The following DHRSX variants were observed in gnomAD, a reference collection of about 807,000 sequenced individuals.
DHRSX encodes dehydrogenase/reductase X-linked, also known as polyprenol dehydrogenase.
In DHRSX, 31 loss-of-function variants were observed where a neutral mutation model predicts 34.0. The observed-to-expected ratio is 0.91, with a 90% CI of 0.69 to 1.23. The LOEUF (loss-of-function observed/expected upper bound fraction) is 1.23. Among genes scored for constraint, DHRSX ranks in the 50% most tolerant of loss-of-function variants. DHRSX has a pLI of 0.00. For synonymous variants in DHRSX, 201 were observed against 183.8 expected, an observed-to-expected ratio of 1.09 and a Z score of -0.76; for missense variants, 414 against 428.1, an observed-to-expected ratio of 0.97 and a Z score of 0.29.
chrX:2,249,640 C>T (rs1238238522), intron 5 of DHRSX, among the ~76,000 whole-genome samples: 1 of 147,760 alleles, frequency 6.8e-6, no homozygotes, highest in African/African-American at 2.5e-5. Context: ...TCTCCTGCCT[C>T]AGCCTCCCAA....
intron 1 of DHRSX, among the ~76,000 whole-genome samples, chrX:2,436,021 C>T (rs1219218143): frequency 9.9e-5 from 15 of 151,952 alleles, no homozygotes; most frequent in African/African-American, 3.4e-4. Flanking sequence ...GGTGAAACCC[C>T]GTCTGTACTA....
At chrX:2,397,282 C>A (rs1184160175) in intron 3 of DHRSX, among the ~76,000 whole-genome samples, 1 of 152,096 alleles carries the variant, frequency 6.6e-6, no homozygotes, top group African/African-American at 2.4e-5. Context: ...CCACAGTGCA[C>A]CCCACCAAGC....
chrX:2,246,363 C>A (rs1273134229), intron 5 of DHRSX, among the ~76,000 whole-genome samples: 1 of 152,078 alleles, frequency 6.6e-6, no homozygotes, highest in Non-Finnish European at 1.5e-5. Flanking sequence ...TTGGCTCATG[C>A]CTGTAATCCC....
chrX:2,357,856 T>C (rs963032189), intron 3 of DHRSX, among the ~76,000 whole-genome samples: 2 of 152,112 alleles, frequency 1.3e-5, no homozygotes, highest in African/African-American at 4.8e-5. Flanking sequence ...TTCACCTACA[T>C]AACGGTGGTT....
At chrX:2,467,627 AT>A (rs200922320) in intron 1 of DHRSX, among the ~76,000 whole-genome samples, 1 of 134,926 alleles carries the variant, frequency 7.4e-6, no homozygotes, top group Non-Finnish European at 1.6e-5. Context: ...TGGAAGACTC[AT>A]GTGTCATAGG....
At chrX:2,358,972 A>G (rs1418277717) in intron 3 of DHRSX, among the ~76,000 whole-genome samples, 1 of 151,400 alleles carries the variant, frequency 6.6e-6, no homozygotes, top group Non-Finnish European at 1.5e-5. Context: ...AAAAAGACAT[A>G]CATCCAGCCG....
chrX:2,225,915 G>C lies in DHRSX; in HGVS notation c.805-4686C>G, dbSNP rs749330632. Reference sequence around the variant, plus strand: ...TAGCAGCCTGAAATGGACTGAGACAGCTCATAAGAAGAGGAGATGAGGAGA... The same window carrying C: ...TAGCAGCCTGAAATGGACTGAGACACCTCATAAGAAGAGGAGATGAGGAGA... On this transcript the variant is annotated intron_variant, in intron 6 of 6. Transcript: ENST00000334651. 1.5e-3 allele frequency among the ~76,000 whole-genome samples: 227 copies of C among 151,624 alleles called. 2 individuals are homozygous for C. The highest frequency in any genetic ancestry group is 3.4e-3 in the Middle Eastern group (1 of 292).
chrX:2,396,371 T>TTTTC (rs2043409162), intron 3 of DHRSX, among the ~76,000 whole-genome samples: 7 of 101,986 alleles, frequency 6.9e-5, no homozygotes, highest in Admixed American at 6.1e-4. Context: ...CTTTCTTTCT[T>TTTTC]TTTCTTTTTT....
chrX:2,256,402 T>A (rs1054446103), intron 5 of DHRSX, among the ~76,000 whole-genome samples: 5 of 151,136 alleles, frequency 3.3e-5, no homozygotes, highest in Non-Finnish European at 7.4e-5. Context: ...TTCAAACAAT[T>A]CTCCTGCTTC....
intron 1 of DHRSX, among the ~76,000 whole-genome samples, chrX:2,497,664 A>G (rs1488561498): frequency 6.6e-6 from 1 of 152,202 alleles, no homozygotes; most frequent in Non-Finnish European, 1.5e-5. Context: ...ATTATTTACA[A>G]TAGAACTTTT....
intron 3 of DHRSX, among the ~76,000 whole-genome samples, chrX:2,376,797 C>A (rs185217409): frequency 8.5e-5 from 13 of 152,194 alleles, no homozygotes; most frequent in African/African-American, 3.1e-4. Context: ...AGACTGAGAC[C>A]ATCCTGCCCA....
At chrX:2,299,854 C>CAA (rs36070145) in intron 3 of DHRSX, among the ~76,000 whole-genome samples, 9 of 146,142 alleles carry the variant, frequency 6.2e-5, no homozygotes, top group Admixed American at 2.7e-4. Flanking sequence ...GACTATGTCT[C>CAA]AAAAAAAAAA....
At chrX:2,322,891 A>C (rs1858005484) in intron 3 of DHRSX, among the ~76,000 whole-genome samples, 1 of 152,034 alleles carries the variant, frequency 6.6e-6, no homozygotes, top group African/African-American at 2.4e-5. Context: ...CCTAACTCCC[A>C]CATTGTTCAA....
intron 3 of DHRSX, among the ~76,000 whole-genome samples, chrX:2,325,277 T>C (rs766603728): frequency 1.3e-5 from 2 of 151,776 alleles, no homozygotes; most frequent in Non-Finnish European, 2.9e-5. Flanking sequence ...GGCGGCTCCA[T>C]CTTCCGGGCA....
At chrX:2,404,219 A>T (rs2043524514) in intron 3 of DHRSX, among the ~76,000 whole-genome samples, 1 of 151,936 alleles carries the variant, frequency 6.6e-6, no homozygotes, top group African/African-American at 2.4e-5. Flanking sequence ...CCACCCCCAG[A>T]GGCCCCGATT....
chrX:2,330,113 A>G (rs2042443246), intron 3 of DHRSX, among the ~76,000 whole-genome samples: 2 of 102,084 alleles, frequency 2.0e-5, no homozygotes, highest in African/African-American at 4.1e-5. Context: ...AGAGAGAGAG[A>G]GAGAGAGAGA....
At chrX:2,304,957 A>G (rs2042081983) in intron 3 of DHRSX, among the ~76,000 whole-genome samples, 1 of 152,112 alleles carries the variant, frequency 6.6e-6, no homozygotes, top group Admixed American at 6.6e-5. Flanking sequence ...AATCAACTCA[A>G]ATGCCCAAGA....
chrX:2,489,898 G>A, intron 1 of DHRSX: 1 of 1,613,902 alleles, frequency 6.2e-7, no homozygotes, highest in East Asian at 2.2e-5. Context: ...CCTTCACGAT[G>A]TCCTTGCCAT....
chrX:2,291,265 G>C (rs1255909411), intron 4 of DHRSX, among the ~76,000 whole-genome samples: 1 of 152,174 alleles, frequency 6.6e-6, no homozygotes, highest in Non-Finnish European at 1.5e-5. Context: ...ACAAGTCAAC[G>C]TGTCAACTCC....
Sources: gnomAD v4.1 joint callset for allele counts (sites outside exome capture counted in the v4.1 genomes callset) on GRCh38, gnomAD v4.1.1 for gene constraint, MANE v1.5 for transcripts, NCBI Gene and HGNC (gene_info 2026-07-23, HGNC 2026-07-21) for gene names.